SLC25A48: variants seen among roughly 807,000 people sequenced by gnomAD.
The protein encoded by SLC25A48 is solute carrier family 25 member 48, also known as CTC-321K16.1.
In SLC25A48, 29 loss-of-function variants were observed where a neutral mutation model predicts 32.2. The ratio of observed to expected loss-of-function variants is 0.90; its 90% CI spans 0.67 to 1.23. The LOEUF (loss-of-function observed/expected upper bound fraction) is 1.23, where lower values mean the gene tolerates loss of function less well. Ranked by LOEUF, SLC25A48 falls within the 50% of genes most tolerant of loss-of-function variation. SLC25A48 has a pLI of 0.00. For synonymous variants in SLC25A48, 164 were observed against 172.3 expected, an observed-to-expected ratio of 0.95 and a Z score of 0.38; for missense variants, 399 against 422.7, an observed-to-expected ratio of 0.94 and a Z score of 0.49.
intron 3 of SLC25A48, among the ~76,000 whole-genome samples, chr5:135,769,190 G>T (rs1169654781): frequency 6.9e-6 from 1 of 144,466 alleles, no homozygotes; most frequent in African/African-American, 2.5e-5. Context: ...ATATTTATGG[G>T]GGGAAAGGAA....
chr5:135,663,643 A>T (rs187811920), intron 3 of SLC25A48, among the ~76,000 whole-genome samples: 1 of 152,350 alleles, frequency 6.6e-6, no homozygotes, highest in East Asian at 1.9e-4. Context: ...GTGAATGAAG[A>T]CTGGAACAGG....
At chr5:135,645,471 A>T (rs1040002614) in intron 3 of SLC25A48, among the ~76,000 whole-genome samples, 2 of 152,196 alleles carry the variant, frequency 1.3e-5, no homozygotes, top group African/African-American at 4.8e-5. Flanking sequence ...TTTTCTAATA[A>T]GATTGATTCA....
At chr5:135,879,208 C>T (rs1032722327) in intron 6 of SLC25A48, among the ~76,000 whole-genome samples, 2 of 152,088 alleles carry the variant, frequency 1.3e-5, no homozygotes, top group Non-Finnish European at 2.9e-5. Context: ...GAGTCCTACT[C>T]CCTATTAGGT....
At chr5:135,810,155 A>G (rs1757560676) in intron 3 of SLC25A48, among the ~76,000 whole-genome samples, 1 of 152,166 alleles carries the variant, frequency 6.6e-6, no homozygotes, top group Non-Finnish European at 1.5e-5. Flanking sequence ...GACCATTTTG[A>G]TGCCATGTTG....
rs1337816009 is a variant in SLC25A48 at position 135,879,914 on chromosome 5, G to T, written c.814-54G>T. On this transcript the variant is annotated intron_variant, in intron 6 of 7. Coordinates refer to ENST00000681962, the MANE Select transcript of SLC25A48 (RefSeq NM_001349336.2). Reference sequence around the variant, plus strand: ...AGCTATTCTCTGCCCCTCCTTGGTGGCCCTGCAGAGAGTGTGGGTCAGTCC... The same window carrying T: ...AGCTATTCTCTGCCCCTCCTTGGTGTCCCTGCAGAGAGTGTGGGTCAGTCC... 2.0e-6 allele frequency: 3 copies of T among 1,525,988 alleles called. No homozygotes were observed. In the Admixed American group the frequency reaches 5.9e-5, roughly 30 times the overall value. The allele number at this position is 1,525,988 out of a possible 1,614,324, so 94.5% of individuals were successfully genotyped here.
intron 4 of SLC25A48, among the ~76,000 whole-genome samples, chr5:135,819,153 TA>T (rs1175700102): frequency 6.2e-4 from 90 of 145,170 alleles, no homozygotes; most frequent in East Asian, 4.6e-3. Context: ...AGAAATAGGC[TA>T]AAAAAAAAAA....
At chr5:135,611,425 G>T (rs1006259478) in intron 1 of SLC25A48, among the ~76,000 whole-genome samples, 1 of 134,472 alleles carries the variant, frequency 7.4e-6, no homozygotes, top group Non-Finnish European at 1.5e-5. Context: ...TGAGGCGGGA[G>T]AATGGAGCTT....
At chr5:135,818,111 CT>C (rs1757785541) in intron 4 of SLC25A48, among the ~76,000 whole-genome samples, 1 of 103,020 alleles carries the variant, frequency 9.7e-6, no homozygotes, top group Non-Finnish European at 2.2e-5. Context: ...CTCTCTCTCT[CT>C]CTCTCTCCCT....
chr5:135,881,755 A>C (rs1398417157), intron 7 of SLC25A48, among the ~76,000 whole-genome samples: 2 of 152,228 alleles, frequency 1.3e-5, no homozygotes, highest in Non-Finnish European at 2.9e-5. Flanking sequence ...AGAAAGAACA[A>C]AATAATAAGA....
At chr5:135,731,191 G>T (rs1205996466) in intron 3 of SLC25A48, among the ~76,000 whole-genome samples, 3 of 151,994 alleles carry the variant, frequency 2.0e-5, no homozygotes, top group Non-Finnish European at 2.9e-5. Context: ...TGGCTGGTAG[G>T]GGTGGGGGTC....
At chr5:135,672,507 C>T (rs764312618) in intron 3 of SLC25A48, among the ~76,000 whole-genome samples, 6 of 152,172 alleles carry the variant, frequency 3.9e-5, no homozygotes, top group Non-Finnish European at 8.8e-5. Context: ...AACCCATGGT[C>T]TCGTCTCAGG....
chr5:135,592,520 T>C (rs561018933), intron 1 of SLC25A48, among the ~76,000 whole-genome samples: 1 of 152,212 alleles, frequency 6.6e-6, no homozygotes, highest in African/African-American at 2.4e-5. Context: ...GAAGGGCGTG[T>C]TAAGGGCTCA....
intron 1 of SLC25A48, among the ~76,000 whole-genome samples, chr5:135,591,032 G>T (rs1178854766): frequency 1.3e-5 from 2 of 152,232 alleles, no homozygotes; most frequent in Non-Finnish European, 2.9e-5. Flanking sequence ...TCTCAGTGCT[G>T]CCTGGCACTC....
At chr5:135,659,747 T>C (rs1336949583) in intron 3 of SLC25A48, among the ~76,000 whole-genome samples, 2 of 152,078 alleles carry the variant, frequency 1.3e-5, no homozygotes, top group East Asian at 3.8e-4. Context: ...AAACTTACAA[T>C]CATGGTGGAA....
At chr5:135,815,076 C>T (rs1181682137) in intron 4 of SLC25A48, among the ~76,000 whole-genome samples, 1 of 152,176 alleles carries the variant, frequency 6.6e-6, no homozygotes, top group African/African-American at 2.4e-5. Context: ...GCTGGGATAA[C>T]TGAGGGCCTG....
At chr5:135,793,165 G>A (rs12153182) in intron 3 of SLC25A48, among the ~76,000 whole-genome samples, 98,879 of 149,954 alleles carry the variant, frequency 0.66, 34,314 homozygotes, top group Non-Finnish European at 0.78. Context: ...CGGGGGAGAT[G>A]TTATTCTCCT....
chr5:135,750,510 C>T (rs1296061786), intron 3 of SLC25A48, among the ~76,000 whole-genome samples: 2 of 152,166 alleles, frequency 1.3e-5, no homozygotes, highest in Non-Finnish European at 2.9e-5. Flanking sequence ...AAGTGGCAGT[C>T]ACTTTCACCA....
At chr5:135,723,414 A>ACACACACACACACACACACACAC (rs70976577) in intron 3 of SLC25A48, among the ~76,000 whole-genome samples, 7 of 145,706 alleles carry the variant, frequency 4.8e-5, no homozygotes, top group Admixed American at 1.4e-4. Flanking sequence ...ACACACACAC[A>ACACACACACACACACACACACAC]ATGGGGAGGG....
chr5:135,806,645 ATAACT>A (rs1158137438), intron 3 of SLC25A48, among the ~76,000 whole-genome samples: 1 of 150,236 alleles, frequency 6.7e-6, no homozygotes, highest in African/African-American at 2.4e-5. Context: ...TATTTTATAA[ATAACT>A]TAGCACTGTG....
Sources: allele counts gnomAD v4.1 joint callset (sites outside exome capture counted in the v4.1 genomes callset), GRCh38; gene constraint gnomAD v4.1.1; transcripts MANE v1.5; gene names NCBI Gene and HGNC (gene_info 2026-07-23, HGNC 2026-07-21).